The following RARB variants were observed in gnomAD, a reference collection of about 807,000 sequenced individuals.
The protein encoded by RARB is HBV-activated protein.
A neutral mutation model predicts 51.9 loss-of-function variants in RARB; 17 were observed. The ratio of observed to expected loss-of-function variants is 0.33; its 90% CI spans 0.22 to 0.49. The LOEUF is 0.49. Among genes scored for constraint, RARB ranks in the 20% least tolerant of loss-of-function variants. The pLI, the probability that RARB is intolerant of heterozygous loss-of-function variation, is 0.99. For synonymous variants in RARB, 215 were observed against 195.4 expected (o/e 1.10, Z -0.84); for missense variants, 369 against 550.8 (o/e 0.67, Z 3.30).
intron 5 of RARB, among the ~76,000 whole-genome samples, chr3:25,241,728 G>T (rs1238867162): frequency 6.6e-6 from 1 of 152,156 alleles, no homozygotes; most frequent in Non-Finnish European, 1.5e-5. Context: ...ATCGGCATTT[G>T]GGTTGGTTCC....
intron 2 of RARB, among the ~76,000 whole-genome samples, chr3:25,474,633 T>C (rs1426788688): frequency 6.6e-6 from 1 of 152,220 alleles, no homozygotes; most frequent in African/African-American, 2.4e-5. Flanking sequence ...AAAAACGTTA[T>C]GCTGAAATGC....
intron 5 of RARB, among the ~76,000 whole-genome samples, chr3:25,234,488 G>C (rs1164625030): frequency 1.3e-5 from 2 of 151,922 alleles, no homozygotes; most frequent in Non-Finnish European, 2.9e-5. Flanking sequence ...TTTCTCTATA[G>C]ATTTTCTGTT....
chr3:25,534,117 C>A (rs1263229748), intron 3 of RARB, among the ~76,000 whole-genome samples: 1 of 152,176 alleles, frequency 6.6e-6, no homozygotes, highest in East Asian at 1.9e-4. Context: ...TCAGTTTATT[C>A]TTTTATAATC....
At chr3:25,501,127 T>G in intron 2 of RARB, 55 bp from the exon 3 acceptor site, 2 of 1,524,764 alleles carry the variant, frequency 1.3e-6, no homozygotes, top group Non-Finnish European at 1.7e-6. Flanking sequence ...GGCTTTGATT[T>G]CTGATGAAGC....
intron 5 of RARB, among the ~76,000 whole-genome samples, chr3:25,175,472 C>T (rs984351652): frequency 9.8e-5 from 15 of 152,328 alleles, no homozygotes; most frequent in African/African-American, 3.6e-4. Context: ...CAAATATTAG[C>T]ATGGTATCAT....
chr3:25,063,951 G>T (rs555737565), intron 3 of RARB, among the ~76,000 whole-genome samples: 2 of 151,940 alleles, frequency 1.3e-5, no homozygotes, highest in African/African-American at 4.8e-5. Flanking sequence ...TGCCAGATTC[G>T]AATGATCTCC....
intron 5 of RARB, among the ~76,000 whole-genome samples, chr3:25,216,564 C>T (rs904746869): frequency 1.3e-5 from 2 of 151,660 alleles, no homozygotes; most frequent in South Asian, 2.1e-4. Flanking sequence ...AGGGGAACAA[C>T]ACACACCGGG....
intron 5 of RARB, among the ~76,000 whole-genome samples, chr3:25,301,034 A>G (rs1575295178): frequency 6.6e-6 from 1 of 152,180 alleles, no homozygotes; most frequent in African/African-American, 2.4e-5. Context: ...TTCAACTTAG[A>G]TTTTTCGACT....
chr3:25,259,796 A>C (rs2125406152), intron 5 of RARB, among the ~76,000 whole-genome samples: 1 of 152,264 alleles, frequency 6.6e-6, no homozygotes, highest in South Asian at 2.1e-4. Flanking sequence ...TTTATGCATG[A>C]CCCAAAGTCA....
chr3:25,429,643 A>G (rs904343065), intron 1 of RARB, among the ~76,000 whole-genome samples: 1 of 152,218 alleles, frequency 6.6e-6, no homozygotes, highest in Non-Finnish European at 1.5e-5. Flanking sequence ...AGGAAAGGAA[A>G]TATAAGTGGG....
intron 2 of RARB, among the ~76,000 whole-genome samples, chr3:24,889,149 CTGCAGAAA>C (rs775362042): frequency 3.3e-5 from 5 of 152,296 alleles, no homozygotes; most frequent in South Asian, 2.1e-4. Flanking sequence ...TCATCAAAAT[CTGCAGAAA>C]TGCCATCTCT....
chr3:24,938,664 C>G (rs1695594728), intron 2 of RARB, among the ~76,000 whole-genome samples: 1 of 152,112 alleles, frequency 6.6e-6, no homozygotes, highest in Non-Finnish European at 1.5e-5. Flanking sequence ...CACCACTGTC[C>G]ATTTATAAAA....
intron 3 of RARB, among the ~76,000 whole-genome samples, chr3:25,539,263 G>A (rs1361768238): frequency 6.6e-6 from 1 of 152,174 alleles, no homozygotes. Flanking sequence ...AATGTCTCAT[G>A]GTTGACAGCA....
At chr3:25,163,504 A>AAAAAAAAAAAATATATAT (rs1303712411) in intron 4 of RARB, among the ~76,000 whole-genome samples, 5 of 131,118 alleles carry the variant, frequency 3.8e-5, no homozygotes, top group African/African-American at 1.6e-4. Context: ...CCTATCTCAA[A>AAAAAAAAAAAATATATAT]ATATATATAT....
chr3:25,037,145 G>A (rs570958364), intron 2 of RARB, among the ~76,000 whole-genome samples: 1 of 152,196 alleles, frequency 6.6e-6, no homozygotes, highest in South Asian at 2.1e-4. Flanking sequence ...CAGATTGTTT[G>A]GACTGTAGAG....
At chr3:25,196,575 G>T (rs1181329099) in intron 5 of RARB, among the ~76,000 whole-genome samples, 1 of 151,894 alleles carries the variant, frequency 6.6e-6, no homozygotes, top group Non-Finnish European at 1.5e-5. Flanking sequence ...TAATCCTTTG[G>T]GTATACACCC....
chr3:25,300,966 C>T (rs895010380), intron 5 of RARB, among the ~76,000 whole-genome samples: 1 of 152,184 alleles, frequency 6.6e-6, no homozygotes, highest in African/African-American at 2.4e-5. Context: ...CACTGCACTC[C>T]AGCCTGAGCT....
intron 1 of RARB, among the ~76,000 whole-genome samples, chr3:24,843,424 A>G (rs1007185516): frequency 2.0e-5 from 3 of 152,188 alleles, no homozygotes; most frequent in Admixed American, 2.0e-4. Flanking sequence ...CTGAATTTAC[A>G]TTTTCTCACC....
At chr3:25,184,479 A>G (rs1050498638) in intron 5 of RARB, among the ~76,000 whole-genome samples, 12 of 152,100 alleles carry the variant, frequency 7.9e-5, no homozygotes, top group African/African-American at 2.9e-4. Context: ...GGAAAGGTTC[A>G]TCTTGTTGAA....
Sources: gnomAD v4.1 joint callset for allele counts (sites outside exome capture counted in the v4.1 genomes callset) on GRCh38, gnomAD v4.1.1 for gene constraint, MANE v1.5 for transcripts, NCBI Gene and HGNC (gene_info 2026-07-23, HGNC 2026-07-21) for gene names.